The following AKAP17A variants were observed in gnomAD, a reference collection of about 807,000 sequenced individuals.
AKAP17A encodes A-kinase anchor protein 17A.
A neutral mutation model predicts 52.2 loss-of-function variants in AKAP17A; 15 were observed. That is an observed-to-expected ratio of 0.29 (90% CI 0.19 to 0.44). The LOEUF is 0.44. AKAP17A is among the 20% of genes least tolerant of loss of function. AKAP17A has a pLI of 1.00. For missense variants in AKAP17A, 1,060 were observed against 1,007.0 expected (o/e 1.05, Z -0.71); for synonymous variants, 514 against 424.7 (o/e 1.21, Z -2.58).
chrX:1,595,265 C>A, intron 2 of AKAP17A, 119 bp from the exon 3 acceptor site: 6 of 1,316,482 alleles, frequency 4.6e-6, no homozygotes, highest in African/African-American at 1.5e-5. Flanking sequence ...GAGCGGTGAG[C>A]GGTGAGCGGG....
chrX:1,595,785 G>C (rs745960683), intron 3 of AKAP17A, among the ~76,000 whole-genome samples: 105 of 151,070 alleles, frequency 7.0e-4, no homozygotes, highest in African/African-American at 2.3e-3. Flanking sequence ...GCGTGCATGT[G>C]TGTGAGCTCG....
chrX:1,601,503 G>A lies in AKAP17A; in HGVS notation c.1997G>A (p.Ser666Asn). 6.5e-7 allele frequency: 1 copy of A among 1,528,250 alleles called. No homozygotes were observed. Among genetic ancestry groups the A allele is most frequent in the Non-Finnish European group, 8.7e-7 (1 of 1,148,690 alleles). 94.7% of individuals were successfully genotyped at this position (1,528,250 alleles called of 1,614,324 possible). A position where few individuals can be genotyped will look rare whatever the true frequency, so the allele number is the denominator to read the frequency against. The change falls in exon 5 of 5, where the codon AGC becomes AAC. Residue 666 changes from serine (S) to asparagine (N), a missense_variant. Ser to Asn is a conservative substitution (Grantham distance 46). Transcript: ENST00000313871. ...RRERSRERRGSASRKHSRHRR... is the reference protein window; with the variant it reads ...RRERSRERRGNASRKHSRHRR... ...GAGCGGAGCCGGGAGCGGAGGGGCA[G>A]CGCCAGCAGGAAGCACAGCCGCCAC...
intron 3 of AKAP17A, 91 bp from the exon 4 acceptor site, chrX:1,599,101 C>G: frequency 6.5e-7 from 1 of 1,541,192 alleles, no homozygotes; most frequent in Non-Finnish European, 8.7e-7. Context: ...GGACCGTGGC[C>G]TGTTCCGCCG....
rs1436003904 is a variant in AKAP17A, at chrX:1,593,986, T to C, written c.524T>C (p.Val175Ala). ...GAGAAGCCCAGCGAGGACGTCCTGG[T>C]CAAGGTGTTTGAGAAGTTCGGGGAG... ...GSEKPSEDVL[V>A]KVFEKFGEIR... is the part of the protein sequence containing the mutation. Residue 175 changes from valine to alanine, a missense_variant, in exon 2 of 5, where the codon GTC becomes GCC. Coordinates refer to ENST00000313871, the MANE Select transcript of AKAP17A (RefSeq NM_005088.3). 4 of 1,602,686 alleles carry C rather than the reference T, an allele frequency of 2.5e-6. No homozygotes were observed. The highest frequency in any genetic ancestry group is 3.4e-5 in the Admixed American group (2 of 59,036).
intron 4 of AKAP17A, chrX:1,600,372 T>G (rs1933289542): frequency 4.7e-6 from 3 of 640,724 alleles, no homozygotes; most frequent in Non-Finnish European, 7.9e-6. Context: ...AGGGCTCGGC[T>G]CTGCCCAAGA....
intron 3 of AKAP17A, among the ~76,000 whole-genome samples, 157 bp from the exon 4 acceptor site, chrX:1,599,035 C>T (rs1201684727): frequency 1.3e-5 from 2 of 152,206 alleles, no homozygotes; most frequent in African/African-American, 2.4e-5. Context: ...ACCTCTCGGG[C>T]TGCTTTGAGT....
At chrX:1,597,405 C>A (rs370677265) in intron 3 of AKAP17A, among the ~76,000 whole-genome samples, 1 of 152,144 alleles carries the variant, frequency 6.6e-6, no homozygotes, top group Non-Finnish European at 1.5e-5. Context: ...GAGGCAGACG[C>A]CCTGGGAGGG....
At position 1,593,486 on chromosome X, in the gene AKAP17A, C is replaced by T. The variant is rs1176074585; in HGVS notation, c.24C>T (p.His8=). The change falls in exon 2 of 5, where the codon CAC becomes CAT. Residue 8 remains histidine, a synonymous_variant. Coordinates refer to ENST00000313871, the MANE Select transcript of AKAP17A (RefSeq NM_005088.3). ...CTATGGCAGCGGCTACCATCGTGCA[C>T]GACACGTCTGAGGCCGTGGAGCTCT... The part of the protein sequence containing the change: MAAATIV[H]DTSEAVELCP... 10 of 1,613,400 alleles carry T rather than the reference C, an allele frequency of 6.2e-6. No homozygotes were observed. Among genetic ancestry groups the T allele is most frequent in the Admixed American group, 1.7e-5 (1 of 59,972 alleles).
chrX:1,595,581 AGTGTGCGCAGACCC>A lies in AKAP17A; in HGVS notation c.911+57_911+70del, dbSNP rs1469319875. On this transcript the variant is annotated intron_variant, in intron 3 of 4. Transcript: ENST00000313871. ...TCGGCGCTGGTGTCCGGCACCTGGG[AGTGTGCGCAGACCC>A]GTGTGCGTGTGTCTGCATGTATTCC... is the stretch of plus-strand genomic sequence containing the variant. 5 of 1,611,302 alleles carry A rather than the reference AGTGTGCGCAGACCC, an allele frequency of 3.1e-6. No individual in the cohort carries two copies. The South Asian group carries it at 5.5e-5, about 18-fold the overall frequency.
intron 1 of AKAP17A, among the ~76,000 whole-genome samples, chrX:1,592,531 C>T (rs1323506108): frequency 8.6e-5 from 13 of 152,012 alleles, no homozygotes; most frequent in African/African-American, 2.9e-4. Context: ...GAGCCCCTCC[C>T]TGGTGCCCCA....
At chrX:1,600,316 T>G in intron 4 of AKAP17A, 1 of 819,764 alleles carries the variant, frequency 1.2e-6, no homozygotes, top group South Asian at 1.6e-5. Flanking sequence ...CGGCCGCTTG[T>G]GACCTAACCG....
chrX:1,597,441 C>G (rs1329887835), intron 3 of AKAP17A, among the ~76,000 whole-genome samples: 5 of 152,134 alleles, frequency 3.3e-5, no homozygotes, highest in African/African-American at 4.8e-5. Flanking sequence ...CGTCGCCATC[C>G]TGGGAGGCGG....
At position 1,593,435 on chromosome X, in the gene AKAP17A, AT is replaced by A. The variant is rs775743480; in HGVS notation, c.-19-8del. ...TGCTGGTGCTGACTGTCTGCGTCTTATGTTTCAGGCCCAAGGTCCCGGAGGC... is the reference window on the plus strand; with the variant it reads ...TGCTGGTGCTGACTGTCTGCGTCTTAGTTTCAGGCCCAAGGTCCCGGAGGC... On this transcript the variant is annotated splice_region_variant and splice_polypyrimidine_tract_variant and intron_variant, in intron 1 of 4. Coordinates refer to ENST00000313871, the MANE Select transcript of AKAP17A (RefSeq NM_005088.3). The A allele has an allele frequency of 6.3e-7, 1 of 1,596,992 alleles. No individual in the cohort carries two copies. The highest frequency in any genetic ancestry group is 8.6e-7 in the Non-Finnish European group (1 of 1,169,444).
intron 3 of AKAP17A, among the ~76,000 whole-genome samples, chrX:1,597,229 C>T (rs1392481537): frequency 3.3e-5 from 5 of 152,184 alleles, no homozygotes; most frequent in South Asian, 2.1e-4. Flanking sequence ...CTTTACGTAG[C>T]CCCCGTTGCC....
rs202130845 is a variant in AKAP17A at position 1,601,045 on chromosome X, C to T, written c.1539C>T (p.Asn513=). The part of the protein sequence containing the change: ...PEADGAPKSV[N]GSVAEEAPCK... ...CCGACGGCGCTCCCAAAAGCGTGAA[C>T]GGGAGCGTGGCCGAGGAGGCCCCAT... Residue 513 remains asparagine, a synonymous_variant, in exon 5 of 5, where the codon AAC becomes AAT. Coordinates refer to ENST00000313871, the MANE Select transcript of AKAP17A (RefSeq NM_005088.3). 5.2e-5 allele frequency: 84 copies of T among 1,612,942 alleles called. No individual in the cohort carries two copies. Among genetic ancestry groups the T allele is most frequent in the Admixed American group, 2.7e-4 (16 of 59,992 alleles).
chrX:1,595,322 C>T, intron 2 of AKAP17A, 62 bp from the exon 3 acceptor site: 1 of 1,605,868 alleles, frequency 6.2e-7, no homozygotes, highest in Non-Finnish European at 8.5e-7. Flanking sequence ...GGAGAGGGCG[C>T]CTGGCCGTGT....
intron 2 of AKAP17A, 129 bp downstream of exon 2, chrX:1,594,353 A>G (rs1932899295): frequency 2.6e-6 from 3 of 1,132,200 alleles, no homozygotes; most frequent in African/African-American, 3.1e-5. Context: ...AATGGCAGCA[A>G]CAGTCCTGTG....
At chrX:1,594,602 AT>A (rs1932904841) in intron 2 of AKAP17A, among the ~76,000 whole-genome samples, 1 of 150,934 alleles carries the variant, frequency 6.6e-6, no homozygotes, top group Admixed American at 6.6e-5. Flanking sequence ...GTGCTTTTTT[AT>A]TTTTTTTATT....
chrX:1,601,481 C>T lies in AKAP17A; in HGVS notation c.1975C>T (p.Arg659Trp), dbSNP rs776536251. 90 of 1,562,080 alleles carry T rather than the reference C, an allele frequency of 5.8e-5. No individual in the cohort carries two copies. Among genetic ancestry groups the T allele is most frequent in the Admixed American group, 5.2e-4 (28 of 53,952 alleles). The change falls in exon 5 of 5, where the codon CGG becomes TGG. Residue 659 changes from arginine (R) to tryptophan (W), a missense_variant. Arg to Trp is a moderately radical substitution (Grantham distance 101). Coordinates refer to ENST00000313871, the MANE Select transcript of AKAP17A (RefSeq NM_005088.3). Reference sequence around the variant, plus strand: ...CAGCAAAGACAGGCACCGGAGGGAGCGGAGCCGGGAGCGGAGGGGCAGCGC... The same window carrying T: ...CAGCAAAGACAGGCACCGGAGGGAGTGGAGCCGGGAGCGGAGGGGCAGCGC... ...SHSKDRHRRE[R>W]SRERRGSASR...
Sources: allele counts gnomAD v4.1 joint callset (sites outside exome capture counted in the v4.1 genomes callset), GRCh38; gene constraint gnomAD v4.1.1; transcripts MANE v1.5; gene names NCBI Gene and HGNC (gene_info 2026-07-23, HGNC 2026-07-21).